The following USP9Y variants were observed in gnomAD, a reference collection of about 807,000 sequenced individuals.
The protein encoded by USP9Y is ubiquitin specific peptidase 9 Y-linked, also known as ubiquitin carboxyl-terminal hydrolase 9Y.
A neutral mutation model predicts 53.1 loss-of-function variants in USP9Y; 41 were observed. That is an observed-to-expected ratio of 0.77 (90% CI 0.60 to 1.00). The LOEUF is 1.00. Among genes scored for constraint, USP9Y ranks in the 50% least tolerant of loss-of-function variants. USP9Y has a pLI of 0.00. For synonymous variants in USP9Y, 220 were observed against 173.7 expected, an observed-to-expected ratio of 1.27 and a Z score of -2.09; for missense variants, 567 against 535.8, an observed-to-expected ratio of 1.06 and a Z score of -0.58.
chrY:12,829,787 CTG>C (rs2053549509), intron 33 of USP9Y, among the ~76,000 whole-genome samples: 1 of 33,231 alleles, frequency 3.0e-5, no homozygotes, highest in Non-Finnish European at 7.4e-5. Flanking sequence ...TGGTATAAAA[CTG>C]TGTTCAACAT....
At chrY:12,855,430 T>G in intron 42 of USP9Y, among the ~76,000 whole-genome samples, 1 of 32,873 alleles carries the variant, frequency 3.0e-5, no homozygotes, top group South Asian at 6.9e-4. Flanking sequence ...CAGGCTGGTC[T>G]CAAGCTCCTG....
chrY:12,836,817 C>G, intron 34 of USP9Y, among the ~76,000 whole-genome samples: 1 of 33,098 alleles, frequency 3.0e-5, no homozygotes, highest in African/African-American at 1.2e-4. Context: ...CCTGCCTCAG[C>G]CTCCCAAGTA....
rs947161163 is a variant in USP9Y at position 12,758,558 on chromosome Y, G to A, written c.1682G>A (p.Arg561His). 2.1e-5 allele frequency: 8 copies of A among 384,666 alleles called. No individual in the cohort carries two copies. Among genetic ancestry groups the A allele is most frequent in the African/African-American group, 1.9e-4 (3 of 15,413 alleles). The change falls in exon 14 of 46, where the codon CGC becomes CAC. Residue 561 changes from arginine to histidine, a missense_variant. Transcript: ENST00000338981. ...ATAGATCACTTTATAGAAGAACTTC[G>A]CACAAATGACAAGTGGGTAATTCCT... ...QWIDHFIEEL[R>H]TNDKWVIPAL...
chrY:12,856,915 G>A, intron 44 of USP9Y, 70 bp downstream of exon 44: 1 of 241,466 alleles, frequency 4.1e-6, no homozygotes, highest in Non-Finnish European at 6.5e-6. Flanking sequence ...TTTTTAATGT[G>A]TAGGCCCATG....
chrY:12,702,260 A>G, intron 1 of USP9Y, among the ~76,000 whole-genome samples: 3 of 33,996 alleles, frequency 8.8e-5, no homozygotes, highest in African/African-American at 1.1e-4. Flanking sequence ...CTTTTACTTC[A>G]TAAGAAAATA....
At chrY:12,737,572 G>A in intron 10 of USP9Y, among the ~76,000 whole-genome samples, 7 of 33,414 alleles carry the variant, frequency 2.1e-4, no homozygotes, top group African/African-American at 8.2e-4. Context: ...CAGGTTTTAT[G>A]TATGCAATTT....
chrY:12,858,473 C>T (rs2053579827), intron 45 of USP9Y, among the ~76,000 whole-genome samples: 5 of 31,130 alleles, frequency 1.6e-4, no homozygotes, highest in South Asian at 7.7e-4. Flanking sequence ...ACTATAGGAA[C>T]GCACCATCAC....
chrY:12,703,194 G>C (rs763353192), intron 1 of USP9Y, among the ~76,000 whole-genome samples: 194 of 32,765 alleles, frequency 5.9e-3, no homozygotes, highest in Non-Finnish European at 0.013. Context: ...TGAGGAGCTG[G>C]GACTACAGGC....
intron 24 of USP9Y, among the ~76,000 whole-genome samples, chrY:12,790,055 G>A: frequency 6.0e-5 from 2 of 33,548 alleles, no homozygotes; most frequent in African/African-American, 2.3e-4. Context: ...TCCACATTTT[G>A]TTAATTCGTT....
At chrY:12,831,569 G>A in intron 33 of USP9Y, among the ~76,000 whole-genome samples, 1 of 32,727 alleles carries the variant, frequency 3.1e-5, no homozygotes, top group Non-Finnish European at 7.5e-5. Context: ...GAGACCAGCC[G>A]GAAACCCCAT....
chrY:12,726,347 TA>T (rs2053442216), intron 6 of USP9Y, among the ~76,000 whole-genome samples: 1 of 33,794 alleles, frequency 3.0e-5, no homozygotes. Flanking sequence ...GTACCTACTT[TA>T]TTTGTTACAT....
At chrY:12,850,331 C>G (rs939214203) in intron 42 of USP9Y, among the ~76,000 whole-genome samples, 231 of 31,929 alleles carry the variant, frequency 7.2e-3, no homozygotes, top group African/African-American at 0.027. Flanking sequence ...TGATGTTTCT[C>G]TCTTGTCTTC....
intron 12 of USP9Y, among the ~76,000 whole-genome samples, chrY:12,740,676 CTA>C (rs2053456545): frequency 1.2e-4 from 4 of 32,994 alleles, no homozygotes; most frequent in Admixed American, 1.1e-3. Flanking sequence ...TTTGAGATGA[CTA>C]TATGTTTTAA....
intron 12 of USP9Y, among the ~76,000 whole-genome samples, chrY:12,755,568 G>A: frequency 3.0e-5 from 1 of 33,125 alleles, no homozygotes; most frequent in Non-Finnish European, 7.4e-5. Flanking sequence ...TCATTTCTCT[G>A]TGTTTATTTT....
At chrY:12,835,458 A>G in intron 34 of USP9Y, among the ~76,000 whole-genome samples, 1 of 33,733 alleles carries the variant, frequency 3.0e-5, no homozygotes, top group Non-Finnish European at 7.3e-5. Flanking sequence ...TAAGTCATTT[A>G]TAAATGTAAT....
At chrY:12,713,782 GTT>G (rs2053427327) in intron 3 of USP9Y, among the ~76,000 whole-genome samples, 21 of 16,383 alleles carry the variant, frequency 1.3e-3, no homozygotes, top group African/African-American at 5.5e-3. Flanking sequence ...TCTTTTTTTT[GTT>G]TTTGTTTTTT....
chrY:12,825,888 A>ATTTTCTTTTCTTTTC (rs779137918), intron 33 of USP9Y, among the ~76,000 whole-genome samples: 1 of 16,382 alleles, frequency 6.1e-5, no homozygotes, highest in Non-Finnish European at 1.1e-4. Context: ...TAAACAGTAT[A>ATTTTCTTTTCTTTTC]TTTTCTTTTC....
rs2053567244 is a variant in USP9Y at position 12,847,022 on chromosome Y, G to A, written c.6844G>A (p.Val2282Met). The stretch of plus-strand genomic sequence containing the variant: ...GCAGAATGTGTTAGACATTTTATTT[G>A]TGAGAACAAGTTATGTGAAGAAAAT... ...IQQNVLDILF[V>M]RTSYVKKIIE... Residue 2282 changes from valine to methionine, a missense_variant, in exon 41 of 46, where the codon GTG becomes ATG. Transcript: ENST00000338981. The A allele has an allele frequency of 2.5e-6, 1 of 395,675 alleles. No homozygotes were observed. The highest frequency in any genetic ancestry group is 3.5e-6 in the Non-Finnish European group (1 of 282,270).
intron 15 of USP9Y, among the ~76,000 whole-genome samples, chrY:12,765,784 C>A (rs2053479676): frequency 6.0e-5 from 2 of 33,393 alleles, no homozygotes; most frequent in African/African-American, 2.3e-4. Context: ...CATCCTGCAC[C>A]ATTTGCTGTA....
Sources: allele counts gnomAD v4.1 joint callset (sites outside exome capture counted in the v4.1 genomes callset), GRCh38; gene constraint gnomAD v4.1.1; transcripts MANE v1.5; gene names NCBI Gene and HGNC (gene_info 2026-07-23, HGNC 2026-07-21).